Variants in MMP16 observed in about 807,000 individuals in gnomAD.
MMP16 encodes matrix metallopeptidase 16.
Under a neutral mutation model 67.8 loss-of-function variants are expected in MMP16, and 12 were observed. The ratio of observed to expected loss-of-function variants is 0.18; its 90% CI spans 0.11 to 0.29. MMP16 has a LOEUF of 0.29. MMP16 is among the 10% of genes least tolerant of loss of function. The pLI is 1.00. For synonymous variants in MMP16, 249 were observed against 255.9 expected, an observed-to-expected ratio of 0.97 and a Z score of 0.26; for missense variants, 475 against 765.7, an observed-to-expected ratio of 0.62 and a Z score of 4.48.
intron 1 of MMP16, among the ~76,000 whole-genome samples, chr8:88,247,498 AT>A (rs1437982683): frequency 6.6e-6 from 1 of 152,232 alleles, no homozygotes; most frequent in East Asian, 1.9e-4. Flanking sequence ...GTTCCTGTGC[AT>A]TCTCTATCTC....
intron 4 of MMP16, among the ~76,000 whole-genome samples, chr8:88,154,195 A>G (rs1808464083): frequency 8.5e-6 from 1 of 118,014 alleles, no homozygotes; most frequent in Non-Finnish European, 1.7e-5. Context: ...TAGAATGGCA[A>G]TCATTAAAAA....
At chr8:88,230,006 GAAGTA>G (rs1429315542) in intron 1 of MMP16, among the ~76,000 whole-genome samples, 1 of 152,034 alleles carries the variant, frequency 6.6e-6, no homozygotes, top group Non-Finnish European at 1.5e-5. Flanking sequence ...CTTCTCATTA[GAAGTA>G]AAGCATTCAG....
At chr8:88,094,310 T>C (rs997163485) in intron 6 of MMP16, among the ~76,000 whole-genome samples, 9 of 151,796 alleles carry the variant, frequency 5.9e-5, no homozygotes, top group Non-Finnish European at 1.0e-4. Context: ...CAAAATTATA[T>C]ATAGACTAAC....
chr8:88,276,544 A>C (rs1563581431), intron 1 of MMP16, among the ~76,000 whole-genome samples: 2 of 152,164 alleles, frequency 1.3e-5, no homozygotes, highest in Non-Finnish European at 2.9e-5. Context: ...AACTGTGAAG[A>C]CAAAATTAGT....
intron 3 of MMP16, among the ~76,000 whole-genome samples, chr8:88,173,661 G>A (rs1808840923): frequency 6.6e-6 from 1 of 152,148 alleles, no homozygotes; most frequent in Non-Finnish European, 1.5e-5. Context: ...TAACATTCCT[G>A]AATGTGCTGT....
chr8:88,157,666 CATTTT>C lies in MMP16; in HGVS notation c.709+9998_709+10002del, dbSNP rs537374926. Among the ~76,000 whole-genome samples, 145 of 151,478 alleles carry C rather than the reference CATTTT, an allele frequency of 9.6e-4. 2 individuals are homozygous for C. The highest frequency in any genetic ancestry group is 2.7e-3 in the South Asian group (13 of 4,812). On this transcript the variant is annotated intron_variant, in intron 4 of 9. Transcript: ENST00000286614. ...TAGGAATTTCTGGTTTCATCTGCTTCATTTTATTTTATCTTTTTATTATACTTTAA... is the reference window on the plus strand; with the variant it reads ...TAGGAATTTCTGGTTTCATCTGCTTCATTTTATCTTTTTATTATACTTTAA...
At chr8:88,125,175 T>C (rs1037018898) in intron 4 of MMP16, among the ~76,000 whole-genome samples, 1 of 146,786 alleles carries the variant, frequency 6.8e-6, no homozygotes, top group African/African-American at 2.5e-5. Flanking sequence ...TAATTAAGTC[T>C]GAAAGTCCTG....
intron 1 of MMP16, among the ~76,000 whole-genome samples, 158 bp from the exon 2 acceptor site, chr8:88,197,464 AG>A (rs1809275315): frequency 1.3e-5 from 2 of 152,178 alleles, no homozygotes; most frequent in Non-Finnish European, 1.5e-5. Context: ...TATATTATGT[AG>A]GTTAGGTTAT....
chr8:88,111,172 T>C (rs578105474), intron 6 of MMP16, among the ~76,000 whole-genome samples: 2 of 151,720 alleles, frequency 1.3e-5, no homozygotes, highest in African/African-American at 2.4e-5. Context: ...TACCACTAAA[T>C]TGAGAGTTGA....
chr8:88,035,622 T>C lies in MMP16; in HGVS notation c.*5839A>G, dbSNP rs960561834. On this transcript the variant is annotated 3_prime_UTR_variant, in exon 10 of 10. Coordinates refer to ENST00000286614, the MANE Select transcript of MMP16 (RefSeq NM_005941.5). This position sits in a 1 kb window ranked among gnomAD's most constrained non-coding sequence, Gnocchi z 4.7. ...ATAACACTAAGCTTCTGTGATCTTA[T>C]ATCCTTACTTAGTATAAATAAATAA... 6.6e-6 allele frequency: 1 copy of C among 152,040 alleles called. No homozygotes were observed. The highest frequency in any genetic ancestry group is 1.5e-5 in the Non-Finnish European group (1 of 67,926). The allele number at this position is 152,040 out of a possible 1,614,324, so 9.4% of individuals were successfully genotyped here. A position where few individuals can be genotyped will look rare whatever the true frequency, so the allele number is the denominator to read the frequency against.
intron 1 of MMP16, among the ~76,000 whole-genome samples, chr8:88,202,642 C>T (rs1254333185): frequency 6.6e-6 from 1 of 151,894 alleles, no homozygotes; most frequent in African/African-American, 2.4e-5. Context: ...TGCACATACA[C>T]ACACACACAC....
intron 3 of MMP16, among the ~76,000 whole-genome samples, chr8:88,172,884 A>G (rs966897623): frequency 1.3e-5 from 2 of 152,192 alleles, no homozygotes; most frequent in Non-Finnish European, 2.9e-5. Context: ...CAATGTCTTT[A>G]TAAGTACAAA....
At chr8:88,060,354 C>T (rs1808381463) in intron 7 of MMP16, among the ~76,000 whole-genome samples, 1 of 152,044 alleles carries the variant, frequency 6.6e-6, no homozygotes, top group Non-Finnish European at 1.5e-5. Flanking sequence ...CTGTCTCCAG[C>T]CAGTCTCCTT....
chr8:88,189,747 C>G (rs1314038192), intron 2 of MMP16, among the ~76,000 whole-genome samples: 2 of 152,158 alleles, frequency 1.3e-5, no homozygotes, highest in Non-Finnish European at 2.9e-5. Context: ...ATACTTTTCA[C>G]TCCTTGTTCA....
intron 1 of MMP16, among the ~76,000 whole-genome samples, chr8:88,265,541 A>G (rs1293736602): frequency 6.6e-6 from 1 of 152,164 alleles, no homozygotes; most frequent in African/African-American, 2.4e-5. Flanking sequence ...AAATATGGGT[A>G]AAGTTTATAT....
chr8:88,262,827 C>T (rs575092267), intron 1 of MMP16, among the ~76,000 whole-genome samples: 1 of 132,274 alleles, frequency 7.6e-6, no homozygotes, highest in South Asian at 2.4e-4. Flanking sequence ...ATGGTGAAAC[C>T]CCGTCTCTAC....
At chr8:88,306,812 C>T (rs1006746465) in intron 1 of MMP16, among the ~76,000 whole-genome samples, 22 of 152,188 alleles carry the variant, frequency 1.4e-4, no homozygotes, top group African/African-American at 5.3e-4. Context: ...TTCAAACCCA[C>T]AGCCAGTATC....
intron 4 of MMP16, among the ~76,000 whole-genome samples, chr8:88,166,714 T>C (rs1808718970): frequency 7.1e-6 from 1 of 140,202 alleles, no homozygotes; most frequent in African/African-American, 2.6e-5. Context: ...TATATATATA[T>C]ATATATATAT....
chr8:88,148,901 C>A (rs1186552529), intron 4 of MMP16, among the ~76,000 whole-genome samples: 1 of 152,182 alleles, frequency 6.6e-6, no homozygotes, highest in East Asian at 1.9e-4. Flanking sequence ...CAGCTCCCAG[C>A]GTGAGCGACG....
Sources: allele counts gnomAD v4.1 joint callset (sites outside exome capture counted in the v4.1 genomes callset), GRCh38; gene constraint gnomAD v4.1.1; non-coding constraint Gnocchi (gnomAD v3.1); transcripts MANE v1.5; gene names NCBI Gene and HGNC (gene_info 2026-07-23, HGNC 2026-07-21).